Variants in PAQR3 observed in about 807,000 individuals in gnomAD.
The protein encoded by PAQR3 is progestin and adipoQ receptor family member 3, also known as Raf kinase trapping to Golgi.
PAQR3 carries 39 observed loss-of-function variants against 41.7 expected under a neutral mutation model. The observed-to-expected ratio is 0.93, with a 90% CI of 0.72 to 1.22. PAQR3 has a LOEUF of 1.22. Ranked by LOEUF, PAQR3 falls within the 50% of genes most tolerant of loss-of-function variation. The probability of loss-of-function intolerance (pLI) is 0.00; values close to 1 mark genes in which losing one functional copy is unlikely to be tolerated. For synonymous variants in PAQR3, 140 were observed against 140.6 expected, an observed-to-expected ratio of 1.00 and a Z score of 0.03; for missense variants, 366 against 385.6, an observed-to-expected ratio of 0.95 and a Z score of 0.42.
At chr4:78,937,253 G>A (rs1000043750) in intron 1 of PAQR3, among the ~76,000 whole-genome samples, 2 of 152,158 alleles carry the variant, frequency 1.3e-5, no homozygotes, top group African/African-American at 4.8e-5. Context: ...AGGTTGTTAG[G>A]GGGAAGGGTG....
intron 4 of PAQR3, among the ~76,000 whole-genome samples, chr4:78,925,946 A>C (rs1321639158): frequency 6.6e-6 from 1 of 152,142 alleles, no homozygotes; most frequent in Admixed American, 6.6e-5. Context: ...TTATTTCTCA[A>C]TATATTCTCC....
chr4:78,926,521 C>T lies in PAQR3; in HGVS notation c.702G>A (p.Gln234=). Residue 234 remains glutamine, a splice_region_variant and synonymous_variant, in exon 4 of 6, where the codon CAG becomes CAA. Transcript: ENST00000512733. ...LNGGIGAPIV[Q]DFAPRVIVMY... ...AAAATATTAACTACACTCAACCTAC[C>T]TGTACAATAGGAGCACCAATTCCTC... 6.2e-7 allele frequency: 1 copy of T among 1,608,724 alleles called. No individual in the cohort carries two copies. The highest frequency in any genetic ancestry group is 8.5e-7 in the Non-Finnish European group (1 of 1,175,290).
At chr4:78,887,499 A>C (rs1419310182) in intron 12 of PAQR3, among the ~76,000 whole-genome samples, 1 of 152,208 alleles carries the variant, frequency 6.6e-6, no homozygotes, top group Non-Finnish European at 1.5e-5. Context: ...GCTGATTTAC[A>C]CAATAGAAAC....
chr4:78,914,967 A>G lies in PAQR3; in HGVS notation c.*5572T>C, dbSNP rs1734918879. ...TGCTTATTTTAATATCACGTCAGTAAAATGTTAGTATTAAAAAGATCAGCT... is the reference window on the plus strand; with the variant it reads ...TGCTTATTTTAATATCACGTCAGTAGAATGTTAGTATTAAAAAGATCAGCT... On this transcript the variant is annotated 3_prime_UTR_variant, in exon 6 of 6. Transcript: ENST00000512733. The G allele has an allele frequency of 6.6e-6, 1 of 151,974 alleles. No individual in the cohort carries two copies. Among genetic ancestry groups the G allele is most frequent in the South Asian group, 2.1e-4 (1 of 4,828 alleles). 9.4% of individuals were successfully genotyped at this position (151,974 alleles called of 1,614,324 possible). A position where few individuals can be genotyped will look rare whatever the true frequency, so the allele number is the denominator to read the frequency against.
At chr4:78,907,684 T>C (rs1223745059), downstream of PAQR3, among the ~76,000 whole-genome samples, 1 of 152,202 alleles carries the variant, frequency 6.6e-6, no homozygotes, top group Non-Finnish European at 1.5e-5. Flanking sequence ...TTAATGAGCA[T>C]ACTCCAGGTG....
At chr4:78,909,497 T>A (rs1208628723), downstream of PAQR3, among the ~76,000 whole-genome samples, 3 of 152,170 alleles carry the variant, frequency 2.0e-5, no homozygotes, top group African/African-American at 4.8e-5. Context: ...CAGTCTGGCC[T>A]TTTCCAGTCT....
At position 78,918,489 on chromosome 4, in the gene PAQR3, A is replaced by C; in HGVS notation, c.*2050T>G. The C allele has an allele frequency of 1.0e-6, 1 of 957,960 alleles. No homozygotes were observed. 59.3% of individuals were successfully genotyped at this position (957,960 alleles called of 1,614,324 possible). A position where few individuals can be genotyped will look rare whatever the true frequency, so the allele number is the denominator to read the frequency against. On this transcript the variant is annotated 3_prime_UTR_variant, in exon 6 of 6. Transcript: ENST00000512733. ...TATATCATAGCAGTGAAAAAATGAG[A>C]GGATAACTTTCTTACAATATTTAAC...
Position 78,926,876 on chromosome 4 carries a change from C to T in PAQR3, c.505-158G>A, listed in dbSNP as rs140480048. Reference sequence around the variant, plus strand: ...CCTTCATTAAAAAATATGTTCCATACAACTTTTAGGTTTGTCAGAATGACA... The same window carrying T: ...CCTTCATTAAAAAATATGTTCCATATAACTTTTAGGTTTGTCAGAATGACA... On this transcript the variant is annotated intron_variant, in intron 3 of 5. Transcript: ENST00000512733. Among the ~76,000 whole-genome samples, 477 of 152,278 alleles carry T rather than the reference C, an allele frequency of 3.1e-3. 5 individuals are homozygous for T. Among genetic ancestry groups the T allele is most frequent in the South Asian group, 0.011 (54 of 4,822 alleles).
Position 78,911,933 on chromosome 4 carries a change from C to T in PAQR3, c.*8606G>A, listed in dbSNP as rs375862660. On this transcript the variant is annotated 3_prime_UTR_variant, in exon 6 of 6. Transcript: ENST00000512733. ...GATGATTTTGGTGCCGTGCCCTTTA[C>T]AGAACTTGTGGTGCAAAGCATCACT... 9 of 1,613,872 alleles carry T rather than the reference C, an allele frequency of 5.6e-6. No individual in the cohort carries two copies. Among genetic ancestry groups the T allele is most frequent in the African/African-American group, 1.3e-5 (1 of 74,928 alleles).
downstream of PAQR3, among the ~76,000 whole-genome samples, chr4:78,907,042 G>C (rs1734321302): frequency 6.6e-6 from 1 of 152,058 alleles, no homozygotes; most frequent in South Asian, 2.1e-4. Flanking sequence ...GAAGGAAAAA[G>C]TGCATGAATC....
downstream of PAQR3, chr4:78,910,792 C>T (rs1317951147): frequency 1.2e-6 from 2 of 1,613,674 alleles, no homozygotes; most frequent in Non-Finnish European, 1.7e-6. Context: ...ATCAGATCCC[C>T]CTTCTCCTAA....
At position 78,925,489 on chromosome 4, in the gene PAQR3, C is replaced by T. The variant is rs558896868; in HGVS notation, c.702+1032G>A. Among the ~76,000 whole-genome samples, 17 of 152,282 alleles carry T rather than the reference C, an allele frequency of 1.1e-4. No homozygotes were observed. The East Asian group carries it at 2.5e-3, about 22-fold the overall frequency. On this transcript the variant is annotated intron_variant, in intron 4 of 5. Coordinates refer to ENST00000512733, the MANE Select transcript of PAQR3 (RefSeq NM_001040202.2). ...TTTATGAAGACATCATCACCCTTGT[C>T]CTCACATTGGCCAAGTAGCCAGATT...
Position 78,920,503 on chromosome 4 carries a change from C to T in PAQR3, c.*36G>A, listed in dbSNP as rs201738350. On this transcript the variant is annotated 3_prime_UTR_variant, in exon 6 of 6. Coordinates refer to ENST00000512733, the MANE Select transcript of PAQR3 (RefSeq NM_001040202.2). ...GTATACAATTCCCCATTATATATTGCTTAACAACTGAATTCACCAGGTGGC... is the reference window on the plus strand; with the variant it reads ...GTATACAATTCCCCATTATATATTGTTTAACAACTGAATTCACCAGGTGGC... 6.3e-4 allele frequency: 1,001 copies of T among 1,591,408 alleles called. 7 individuals are homozygous for T. Among genetic ancestry groups the T allele is most frequent in the Non-Finnish European group, 2.9e-4 (343 of 1,169,034 alleles).
In PAQR3 at chr4:78,903,105, G is replaced by T. The variant is rs1366057361; in HGVS notation, c.*836+3003C>A. Among the ~76,000 whole-genome samples the T allele has an allele frequency of 3.3e-5, 5 of 151,954 alleles. No homozygotes were observed. In the South Asian group the frequency reaches 1.0e-3, roughly 32 times the overall value. On this transcript the variant is annotated intron_variant and NMD_transcript_variant, in intron 11 of 12. Coordinates refer to the PAQR3 transcript ENST00000342820. ...AATTTTCCCACCAAGGTATTGTATT[G>T]TATTGTATGCCATACAATACCTTGC...
chr4:78,930,262 G>A lies in PAQR3; in HGVS notation c.412C>T (p.Arg138Ter), dbSNP rs748301193. The A allele has an allele frequency of 6.2e-6, 10 of 1,613,466 alleles. No homozygotes were observed. The highest frequency in any genetic ancestry group is 5.0e-5 in the Admixed American group (3 of 59,946). ...FSCHRSEKTC[R>*]RWMALDYAGI... ...GCATAATCTAATGCCATCCATCTTC[G>A]ACATGTTTTTTCTGACCGATGGCAG... Residue 138 changes from arginine (R) to a stop codon, truncating the protein, a stop_gained, in exon 3 of 6, where the codon CGA becomes TGA. Transcript: ENST00000512733. LOFTEE classifies it high-confidence loss of function.
In PAQR3 at chr4:78,915,983, A is replaced by T. The variant is rs1173365044; in HGVS notation, c.*4556T>A. On this transcript the variant is annotated 3_prime_UTR_variant, in exon 6 of 6. Transcript: ENST00000512733. ...ACACTTCCATTTTTTGTTAAACTTGAATTTTCTGAAGCCTTTTATGTACCA... is the reference window on the plus strand; with the variant it reads ...ACACTTCCATTTTTTGTTAAACTTGTATTTTCTGAAGCCTTTTATGTACCA... The T allele has an allele frequency of 6.6e-6, 1 of 151,922 alleles. No homozygotes were observed. Among genetic ancestry groups the T allele is most frequent in the Non-Finnish European group, 1.5e-5 (1 of 67,860 alleles). The allele number at this position is 151,922 out of a possible 1,614,324, so 9.4% of individuals were successfully genotyped here.
chr4:78,934,142 T>C (rs746212002), intron 2 of PAQR3, among the ~76,000 whole-genome samples: 49 of 152,170 alleles, frequency 3.2e-4, no homozygotes, highest in Non-Finnish European at 6.2e-4. Context: ...ATAACAAAAA[T>C]AGATTATGCT....
chr4:78,902,393 C>T (rs552257238), intron 11 of PAQR3, among the ~76,000 whole-genome samples: 1 of 151,902 alleles, frequency 6.6e-6, no homozygotes, highest in Non-Finnish European at 1.5e-5. Context: ...GGATTCTCTT[C>T]TTATACTCAA....
chr4:78,936,062 A>G lies in PAQR3; in HGVS notation c.186-779T>C, dbSNP rs565788271. 2.5e-3 allele frequency among the ~76,000 whole-genome samples: 375 copies of G among 152,324 alleles called. 1 individual carries two copies. The highest frequency in any genetic ancestry group is 4.3e-3 in the Non-Finnish European group (291 of 68,030). ...TGTACCACCCTGAGTCAAGAGGCTC[A>G]CTGTCCCCACCCTACACAAGTCACT... is the stretch of plus-strand genomic sequence containing the variant. On this transcript the variant is annotated intron_variant, in intron 1 of 5. Transcript: ENST00000512733.
Sources: gnomAD v4.1 joint callset for allele counts (sites outside exome capture counted in the v4.1 genomes callset) on GRCh38, gnomAD v4.1.1 for gene constraint, MANE v1.5 for transcripts, NCBI Gene and HGNC (gene_info 2026-07-23, HGNC 2026-07-21) for gene names.